The following HIP1R variants were observed in gnomAD, a reference collection of about 807,000 sequenced individuals.
HIP1R encodes the protein huntingtin-interacting protein 1-related protein.
In HIP1R, 135 loss-of-function variants were observed where a neutral mutation model predicts 144.2. The ratio of observed to expected loss-of-function variants is 0.94; its 90% CI spans 0.81 to 1.08. The LOEUF (loss-of-function observed/expected upper bound fraction) is 1.08, where lower values mean the gene tolerates loss of function less well. Ranked by LOEUF, HIP1R falls within the 50% of genes least tolerant of loss-of-function variation. HIP1R has a pLI of 0.00. For missense variants in HIP1R, 1,462 were observed against 1,432.8 expected, an observed-to-expected ratio of 1.02 and a Z score of -0.33; for synonymous variants, 698 against 612.8, an observed-to-expected ratio of 1.14 and a Z score of -2.05.
chr12:122,857,155 C>T lies in HIP1R; in HGVS notation c.1755C>T (p.Ser585=). 6.5e-7 allele frequency: 1 copy of T among 1,550,386 alleles called. No individual in the cohort carries two copies. Among genetic ancestry groups the T allele is most frequent in the Non-Finnish European group, 8.7e-7 (1 of 1,146,856 alleles). Reference sequence around the variant, plus strand: ...TGCGCGAGACAGAGGCGGCGCTGAGCCGGGAGCAGCAGCGCAGCTCCCAGG... The same window carrying T: ...TGCGCGAGACAGAGGCGGCGCTGAGTCGGGAGCAGCAGCGCAGCTCCCAGG... ...SLVRETEAAL[S]REQQRSSQEQ... is the part of the protein sequence containing the mutation. The change falls in exon 18 of 32, where the codon AGC becomes AGT. Residue 585 remains serine (S), a synonymous_variant. Transcript: ENST00000253083.
At chr12:122,837,413 GGTT>G (rs1248536518) in intron 1 of HIP1R, among the ~76,000 whole-genome samples, 5 of 152,002 alleles carry the variant, frequency 3.3e-5, no homozygotes, top group Non-Finnish European at 7.4e-5. Context: ...CCGCCTCCCG[GGTT>G]CAAGTGATTC....
At chr12:122,854,438 C>A (rs965497743) in intron 8 of HIP1R, among the ~76,000 whole-genome samples, 2 of 151,744 alleles carry the variant, frequency 1.3e-5, no homozygotes, top group Non-Finnish European at 2.9e-5. Context: ...TCGGCCAAGA[C>A]GGAGGCCCCA....
chr12:122,836,256 C>T lies in HIP1R; in HGVS notation c.93+613C>T, dbSNP rs2032892079. Among the ~76,000 whole-genome samples, 1 of 152,184 alleles carries T rather than the reference C, an allele frequency of 6.6e-6. No homozygotes were observed. The highest frequency in any genetic ancestry group is 1.5e-5 in the Non-Finnish European group (1 of 68,028). On this transcript the variant is annotated intron_variant, in intron 1 of 31. Coordinates refer to ENST00000253083, the MANE Select transcript of HIP1R (RefSeq NM_003959.3). This position sits in a 1 kb window ranked among gnomAD's most constrained non-coding sequence, Gnocchi z 4.1. ...ATTATTTGCTGGGTGAAAAGCTTCT[C>T]GTATGTCGCCAGACTTGTTTGCCCG...
chr12:122,862,204 G>T lies in HIP1R; in HGVS notation c.*451G>T, dbSNP rs576660592. 1.0e-4 allele frequency: 17 copies of T among 165,362 alleles called. No homozygotes were observed. Among genetic ancestry groups the T allele is most frequent in the African/African-American group, 3.8e-4 (16 of 41,816 alleles). The allele number at this position is 165,362 out of a possible 1,614,324, so 10.2% of individuals were successfully genotyped here. A position where few individuals can be genotyped will look rare whatever the true frequency, so the allele number is the denominator to read the frequency against. On this transcript the variant is annotated 3_prime_UTR_variant, in exon 32 of 32. Coordinates refer to ENST00000253083, the MANE Select transcript of HIP1R (RefSeq NM_003959.3). The stretch of plus-strand genomic sequence containing the variant: ...GCACACAGCCCGTGCCGGCTGATGG[G>T]ACGAGGGTCAGGCATCCTGTCTGTG...
At chr12:122,841,822 G>C (rs939862302) in intron 1 of HIP1R, among the ~76,000 whole-genome samples, 3 of 152,166 alleles carry the variant, frequency 2.0e-5, no homozygotes, top group Non-Finnish European at 2.9e-5. Flanking sequence ...CACAAAGCCT[G>C]GGGCGGAGGT....
Position 122,851,694 on chromosome 12 carries a change from A to AAG in HIP1R, c.577+398_577+399insGA, listed in dbSNP as rs1555262584. On this transcript the variant is annotated intron_variant, in intron 7 of 31. Transcript: ENST00000253083. Reference sequence around the variant, plus strand: ...GTGAGTCTCCGTCTTAAAAAAAAAAAAAAGAAAAAGAAATGCCCCTGCCCC... The same window carrying AAG: ...GTGAGTCTCCGTCTTAAAAAAAAAAAAGAAAGAAAAAGAAATGCCCCTGCCCC... Among the ~76,000 whole-genome samples, 267 of 148,904 alleles carry AAG rather than the reference A, an allele frequency of 1.8e-3. 1 individual carries two copies. The highest frequency in any genetic ancestry group is 0.01 in the Middle Eastern group (3 of 288).
chr12:122,860,539 T>TGGGG lies in HIP1R; in HGVS notation c.2660+22_2660+25dup. ...CACAGCTGGTGTAGGTTGCCCTGGG[T>TGGGG]GGGGGGGGGCAGGGGGCTGCTTCCT... On this transcript the variant is annotated intron_variant, in intron 27 of 31. Coordinates refer to ENST00000253083, the MANE Select transcript of HIP1R (RefSeq NM_003959.3). The TGGGG allele has an allele frequency of 2.2e-6, 2 of 894,034 alleles. No individual in the cohort carries two copies. Among genetic ancestry groups the TGGGG allele is most frequent in the Non-Finnish European group, 3.5e-6 (2 of 568,386 alleles). The allele number at this position is 894,034 out of a possible 1,614,324, so 55.4% of individuals were successfully genotyped here.
Position 122,859,848 on chromosome 12 carries a change from C to A in HIP1R, c.2465+18C>A, listed in dbSNP as rs540891133. On this transcript the variant is annotated intron_variant, in intron 24 of 31. Transcript: ENST00000253083. ...AACGAGAGGTGAGCCCCCCTTCTGT[C>A]CCCCCAGGCCCAGCCGAGGTGGGCT... 39 of 1,607,610 alleles carry A rather than the reference C, an allele frequency of 2.4e-5. No individual in the cohort carries two copies. The Admixed American group carries it at 5.5e-4, about 23-fold the overall frequency.
At chr12:122,847,301 G>C (rs1356813620) in intron 1 of HIP1R, among the ~76,000 whole-genome samples, 1 of 151,466 alleles carries the variant, frequency 6.6e-6, no homozygotes, top group Admixed American at 6.6e-5. Flanking sequence ...CAGTAGCCGG[G>C]GCGGGGGGGG....
Position 122,860,054 on chromosome 12 carries a change from A to G in HIP1R, c.2473A>G (p.Asn825Asp), listed in dbSNP as rs745726005. Reference protein sequence around the residue: ...VKLEVNERILNSCTDLMKAIR... With the variant: ...VKLEVNERILDSCTDLMKAIR... Reference sequence around the variant, plus strand: ...TCTCCTTCTCTCCCCCAGGATCCTCAACTCCTGCACAGACCTGATGAAGGT... The same window carrying G: ...TCTCCTTCTCTCCCCCAGGATCCTCGACTCCTGCACAGACCTGATGAAGGT... The change falls in exon 25 of 32, where the codon AAC becomes GAC. Residue 825 changes from asparagine (N) to aspartate (D), a missense_variant. Physicochemically the swap from Asn to Asp is conservative, Grantham distance 23. Around this residue, in one of 2 missense-constraint regions of HIP1R, gnomAD observed 1,112 missense variants for 1,011.7 expected, o/e 1.10. Transcript: ENST00000253083. The G allele has an allele frequency of 4.5e-6, 7 of 1,559,032 alleles. No homozygotes were observed. In the East Asian group the frequency reaches 1.6e-4, roughly 35 times the overall value.
rs113964984 is a variant in HIP1R, at chr12:122,859,971, A to C, written c.2466-76A>C. Reference sequence around the variant, plus strand: ...CTCCCTCCCCACCTGCTGAGCCCTGATGTGGCCAGGCCCGCCATGGCGTCG... The same window carrying C: ...CTCCCTCCCCACCTGCTGAGCCCTGCTGTGGCCAGGCCCGCCATGGCGTCG... On this transcript the variant is annotated intron_variant, in intron 24 of 31. Transcript: ENST00000253083. 18,846 of 1,493,220 alleles carry C rather than the reference A, an allele frequency of 0.013. 1,789 individuals are homozygous for C. The African/African-American group carries it at 0.22, about 17-fold the overall frequency. The allele number at this position is 1,493,220 out of a possible 1,614,324, so 92.5% of individuals were successfully genotyped here.
In HIP1R at chr12:122,860,716, T is replaced by A; in HGVS notation, c.2698T>A (p.Tyr900Asn). The A allele has an allele frequency of 6.2e-7, 1 of 1,613,250 alleles. No homozygotes were observed. Among genetic ancestry groups the A allele is most frequent in the Non-Finnish European group, 8.5e-7 (1 of 1,179,946 alleles). ...ADKVVLHTGK[Y>N]EELIVCSHEI... ...CAAGGTGGTGCTTCACACGGGCAAG[T>A]ATGAGGAGCTCATCGTCTGCTCCCA... Residue 900 changes from tyrosine to asparagine, a missense_variant, in exon 28 of 32, where the codon TAT (tyrosine) becomes AAT (asparagine). Coordinates refer to ENST00000253083, the MANE Select transcript of HIP1R (RefSeq NM_003959.3).
intron 1 of HIP1R, among the ~76,000 whole-genome samples, chr12:122,845,980 G>C (rs1384653302): frequency 6.6e-6 from 1 of 152,194 alleles, no homozygotes; most frequent in Non-Finnish European, 1.5e-5. Context: ...AGAAACCCCC[G>C]CATCTCTGTG....
intron 1 of HIP1R, among the ~76,000 whole-genome samples, chr12:122,838,472 T>TA (rs1185943408): frequency 6.6e-6 from 1 of 152,158 alleles, no homozygotes; most frequent in Non-Finnish European, 1.5e-5. Flanking sequence ...TGTGGTATCA[T>TA]AAAGGCACTA....
At chr12:122,837,412 G>GCT (rs1566099340) in intron 1 of HIP1R, among the ~76,000 whole-genome samples, 5 of 151,706 alleles carry the variant, frequency 3.3e-5, no homozygotes, top group Non-Finnish European at 7.4e-5. Context: ...TCCGCCTCCC[G>GCT]GGTTCAAGTG....
chr12:122,841,382 G>A (rs1426547632), intron 1 of HIP1R, among the ~76,000 whole-genome samples: 2 of 152,168 alleles, frequency 1.3e-5, no homozygotes, highest in Non-Finnish European at 2.9e-5. Flanking sequence ...TCTCCTTGCC[G>A]AGTTCCCTGA....
At chr12:122,835,001 G>T, upstream of HIP1R, 1 of 1,288,656 alleles carries the variant, frequency 7.8e-7, no homozygotes, top group Non-Finnish European at 1.0e-6. Flanking sequence ...GTGCAGACAA[G>T]ACTTAGTGAG....
At chr12:122,853,727 TGGGCATG>T in intron 7 of HIP1R, 1 of 278,996 alleles carries the variant, frequency 3.6e-6, no homozygotes, top group East Asian at 7.2e-5. Flanking sequence ...TTGAGGCCCG[TGGGCATG>T]GAGCTATCCG....
chr12:122,849,346 T>C (rs2033305484), intron 4 of HIP1R, among the ~76,000 whole-genome samples: 1 of 152,218 alleles, frequency 6.6e-6, no homozygotes. Context: ...TGGAGCACTG[T>C]GGGGTGCTCG....
Sources: allele counts gnomAD v4.1 joint callset (sites outside exome capture counted in the v4.1 genomes callset), GRCh38; gene constraint gnomAD v4.1.1; regional missense constraint gnomAD v4.1.1; non-coding constraint Gnocchi (gnomAD v3.1); transcripts MANE v1.5; gene names NCBI Gene and HGNC (gene_info 2026-07-23, HGNC 2026-07-21).